Variants in ADAM7 observed in about 807,000 individuals in gnomAD.
The protein encoded by ADAM7 is disintegrin and metalloproteinase domain-containing protein 7.
Under a neutral mutation model 102.9 loss-of-function variants are expected in ADAM7, and 97 were observed. The observed-to-expected ratio is 0.94, with a 90% CI of 0.80 to 1.12. The LOEUF (loss-of-function observed/expected upper bound fraction) is 1.12. Among genes scored for constraint, ADAM7 ranks in the 50% most tolerant of loss-of-function variants. The pLI, the probability that ADAM7 is intolerant of heterozygous loss-of-function variation, is 0.00. For synonymous variants in ADAM7, 334 were observed against 304.4 expected (o/e 1.10, Z -1.01); for missense variants, 991 against 908.7 (o/e 1.09, Z -1.16).
At chr8:24,457,653 G>T (rs913767214) in intron 3 of ADAM7, among the ~76,000 whole-genome samples, 1 of 152,042 alleles carries the variant, frequency 6.6e-6, no homozygotes, top group African/African-American at 2.4e-5. Flanking sequence ...TCTAAAAATT[G>T]TGTCTTTTAA....
In ADAM7 at chr8:24,453,011, G is replaced by A. The variant is rs1462546069; in HGVS notation, c.233+5749G>A. Among the ~76,000 whole-genome samples the A allele has an allele frequency of 2.6e-4, 40 of 151,174 alleles. No homozygotes were observed. In the East Asian group the frequency reaches 5.6e-3, roughly 21 times the overall value. ...TCTTCTGGCTTGTAGGGTTTCTGCC[G>A]AGAGATCTGCTGTTAGTCTGATGGG... On this transcript the variant is annotated intron_variant, in intron 3 of 21. Coordinates refer to ENST00000175238, the MANE Select transcript of ADAM7 (RefSeq NM_003817.4).
Position 24,508,744 on chromosome 8 carries a change from A to G in ADAM7, c.*198A>G. The G allele has an allele frequency of 7.2e-7, 1 of 1,387,728 alleles. No individual in the cohort carries two copies. Among genetic ancestry groups the G allele is most frequent in the Non-Finnish European group, 9.4e-7 (1 of 1,068,666 alleles). The allele number at this position is 1,387,728 out of a possible 1,614,324, so 86.0% of individuals were successfully genotyped here. On this transcript the variant is annotated 3_prime_UTR_variant, in exon 22 of 22. Transcript: ENST00000175238. ...ACCGGTAGAATTCACACCCTCTATC[A>G]TAAACATATGCTGCAGAAAAAAAAT...
intron 16 of ADAM7, among the ~76,000 whole-genome samples, chr8:24,497,005 A>G (rs1410592501): frequency 6.6e-6 from 1 of 152,198 alleles, no homozygotes; most frequent in Non-Finnish European, 1.5e-5. Context: ...CTCATCTTGA[A>G]TTCCCACATT....
intron 20 of ADAM7, among the ~76,000 whole-genome samples, chr8:24,507,163 C>G (rs1820978757): frequency 6.6e-6 from 1 of 152,004 alleles, no homozygotes; most frequent in Non-Finnish European, 1.5e-5. Context: ...AATGAAAGTG[C>G]TAATACTTTA....
At chr8:24,507,827 T>C (rs550169962) in intron 21 of ADAM7, among the ~76,000 whole-genome samples, 208 of 152,300 alleles carry the variant, frequency 1.4e-3, no homozygotes, top group Non-Finnish European at 2.3e-3. Context: ...GCACTATTCT[T>C]TCAGACTTTT....
intron 19 of ADAM7, among the ~76,000 whole-genome samples, chr8:24,501,179 T>C (rs2220698): frequency 0.28 from 43,138 of 152,008 alleles, 6,711 homozygotes; most frequent in South Asian, 0.4. Flanking sequence ...ACTTGAGCAT[T>C]AGTATTTTAA....
In ADAM7 at chr8:24,509,279, T is replaced by G; in HGVS notation, c.*733T>G. 1.0e-6 allele frequency: 1 copy of G among 985,412 alleles called. No homozygotes were observed. Among genetic ancestry groups the G allele is most frequent in the Non-Finnish European group, 1.2e-6 (1 of 829,948 alleles). The allele number at this position is 985,412 out of a possible 1,614,324, so 61.0% of individuals were successfully genotyped here. ...ATACTCACAACTCCTATGAAGGGTT[T>G]CTAAGGTCTTTGTCCTGTGCAATTT... On this transcript the variant is annotated 3_prime_UTR_variant, in exon 22 of 22. Coordinates refer to ENST00000175238, the MANE Select transcript of ADAM7 (RefSeq NM_003817.4).
intron 7 of ADAM7, among the ~76,000 whole-genome samples, chr8:24,471,904 G>A (rs1410002054): frequency 6.6e-6 from 1 of 151,840 alleles, no homozygotes; most frequent in Non-Finnish European, 1.5e-5. Flanking sequence ...AGGACATTAT[G>A]ACATTTATAA....
Position 24,489,219 on chromosome 8 carries a change from T to C in ADAM7, c.1152T>C (p.Asp384=), listed in dbSNP as rs1252411857. 1 of 1,613,642 alleles carries C rather than the reference T, an allele frequency of 6.2e-7. No individual in the cohort carries two copies. The change falls in exon 12 of 22, where the codon GAT becomes GAC. Residue 384 remains aspartate (D), a synonymous_variant. Coordinates refer to ENST00000175238, the MANE Select transcript of ADAM7 (RefSeq NM_003817.4). ...ACCAATACCACCAGTACTTGAAGGA[T>C]TATAAGCCAACATGCATGCTCAACA... ...SQNQYHQYLK[D]YKPTCMLNIP...
rs1346374488 is a variant in ADAM7 at position 24,508,536 on chromosome 8, T to C, written c.*-10T>C. ...AAACAATCTATTTTTAACCATCTGT[T>C]TCTATTTAGAGCTTGAAGTTGGATA... On this transcript the variant is annotated splice_polypyrimidine_tract_variant and intron_variant, in intron 21 of 21. Transcript: ENST00000175238. 1 of 1,613,452 alleles carries C rather than the reference T, an allele frequency of 6.2e-7. No individual in the cohort carries two copies. Among genetic ancestry groups the C allele is most frequent in the African/African-American group, 1.3e-5 (1 of 75,016 alleles).
At chr8:24,455,133 A>C (rs898041948) in intron 3 of ADAM7, among the ~76,000 whole-genome samples, 4 of 152,162 alleles carry the variant, frequency 2.6e-5, no homozygotes, top group Admixed American at 6.5e-5. Flanking sequence ...AATGTTCCCA[A>C]AAAGTTTACT....
Position 24,508,859 on chromosome 8 carries a change from T to C in ADAM7, c.*313T>C. On this transcript the variant is annotated 3_prime_UTR_variant, in exon 22 of 22. Coordinates refer to ENST00000175238, the MANE Select transcript of ADAM7 (RefSeq NM_003817.4). ...TCCTACAAAATGTTACTCTGCTTTCTTTTAAGAATCCAAACTTTAAGGATG... is the reference window on the plus strand; with the variant it reads ...TCCTACAAAATGTTACTCTGCTTTCCTTTAAGAATCCAAACTTTAAGGATG... 2 of 1,184,316 alleles carry C rather than the reference T, an allele frequency of 1.7e-6. No homozygotes were observed. Among genetic ancestry groups the C allele is most frequent in the Non-Finnish European group, 2.1e-6 (2 of 957,870 alleles). 73.4% of individuals were successfully genotyped at this position (1,184,316 alleles called of 1,614,324 possible).
chr8:24,495,306 G>A (rs541317272), intron 16 of ADAM7, among the ~76,000 whole-genome samples: 7 of 152,014 alleles, frequency 4.6e-5, no homozygotes. Flanking sequence ...CAACAACAAG[G>A]TGACACATAT....
At chr8:24,502,922 A>C (rs1820811742) in intron 20 of ADAM7, among the ~76,000 whole-genome samples, 1 of 13,340 alleles carries the variant, frequency 7.5e-5, no homozygotes, top group Non-Finnish European at 1.7e-4. Flanking sequence ...ACAAGAAGAA[A>C]AAGCACTACT....
chr8:24,473,410 T>C (rs1819670177), intron 7 of ADAM7, among the ~76,000 whole-genome samples: 1 of 152,090 alleles, frequency 6.6e-6, no homozygotes, highest in African/African-American at 2.4e-5. Flanking sequence ...TGGCCATGTA[T>C]CTCCAATAGG....
At chr8:24,500,140 T>A in intron 17 of ADAM7, 38 bp from the exon 18 acceptor site, 1 of 1,556,286 alleles carries the variant, frequency 6.4e-7, no homozygotes, top group South Asian at 1.2e-5. Context: ...ACAACTTATA[T>A]CAGTCATTTG....
At chr8:24,444,952 AT>A (rs1292836815) in intron 2 of ADAM7, among the ~76,000 whole-genome samples, 1 of 152,192 alleles carries the variant, frequency 6.6e-6, no homozygotes, top group African/African-American at 2.4e-5. Context: ...ACTCTGTACT[AT>A]CTTTCCAACT....
At position 24,451,304 on chromosome 8, in the gene ADAM7, A is replaced by G. The variant is rs181645525; in HGVS notation, c.233+4042A>G. 2.8e-3 allele frequency among the ~76,000 whole-genome samples: 432 copies of G among 152,184 alleles called. 4 individuals are homozygous for G. Among genetic ancestry groups the G allele is most frequent in the African/African-American group, 9.7e-3 (404 of 41,512 alleles). On this transcript the variant is annotated intron_variant, in intron 3 of 21. Transcript: ENST00000175238. ...CTCGACTCTTTTTGGTTGGTAAGCT[A>G]TTGATTATTGCCACAATTTCAGAGC...
intron 7 of ADAM7, chr8:24,476,096 T>C: frequency 2.6e-6 from 1 of 389,158 alleles, no homozygotes; most frequent in Non-Finnish European, 5.0e-6. Flanking sequence ...TAGGTTTGTT[T>C]CATCAATGTG....
Sources: gnomAD v4.1 joint callset for allele counts (sites outside exome capture counted in the v4.1 genomes callset) on GRCh38, gnomAD v4.1.1 for gene constraint, MANE v1.5 for transcripts, NCBI Gene and HGNC (gene_info 2026-07-23, HGNC 2026-07-21) for gene names.